CEP126: variants seen among roughly 807,000 people sequenced by gnomAD.
The protein encoded by CEP126 is centrosomal protein 126, also known as centrosomal protein of 126 kDa.
CEP126 carries 74 observed loss-of-function variants against 107.8 expected under a neutral mutation model. The ratio of observed to expected loss-of-function variants is 0.69; its 90% confidence interval spans 0.57 to 0.83. CEP126 has a LOEUF of 0.83. Ranked by LOEUF, CEP126 falls within the 40% of genes least tolerant of loss-of-function variation. The probability of loss-of-function intolerance (pLI) is 0.00; values close to 1 mark genes in which losing one functional copy is unlikely to be tolerated. For synonymous variants in CEP126, 449 were observed against 446.0 expected, an observed-to-expected ratio of 1.01 and a Z score of -0.08; for missense variants, 1,237 against 1,281.9, an observed-to-expected ratio of 0.96 and a Z score of 0.53.
At chr11:101,956,117 G>A (rs1591281567) in intron 4 of CEP126, 1 of 456,444 alleles carries the variant, frequency 2.2e-6, no homozygotes, top group South Asian at 1.5e-5. Context: ...TCCACCCCAC[G>A]CACCCCAGAG....
At chr11:101,949,598 G>A (rs1263370491) in intron 4 of CEP126, among the ~76,000 whole-genome samples, 2 of 152,170 alleles carry the variant, frequency 1.3e-5, no homozygotes, top group African/African-American at 4.8e-5. Flanking sequence ...AGGACTAGGA[G>A]AGGTCAGTAT....
intron 1 of CEP126, among the ~76,000 whole-genome samples, chr11:101,920,563 A>G (rs1017297828): frequency 6.6e-6 from 1 of 152,068 alleles, no homozygotes; most frequent in Non-Finnish European, 1.5e-5. Flanking sequence ...TTCTACATCT[A>G]ATGATGAGGT....
At chr11:101,993,507 A>G (rs368740604) in intron 10 of CEP126, among the ~76,000 whole-genome samples, 71 of 152,320 alleles carry the variant, frequency 4.7e-4, no homozygotes, top group African/African-American at 1.7e-3. Context: ...TAGTGCTTAC[A>G]ATGAACATAC....
At chr11:101,925,800 G>T (rs554603372) in intron 2 of CEP126, among the ~76,000 whole-genome samples, 5 of 142,690 alleles carry the variant, frequency 3.5e-5, no homozygotes, top group Non-Finnish European at 7.6e-5. Flanking sequence ...GATTACAGGC[G>T]CCCGTCACCA....
At chr11:101,989,782 A>T (rs1941356575) in intron 9 of CEP126, among the ~76,000 whole-genome samples, 1 of 151,944 alleles carries the variant, frequency 6.6e-6, no homozygotes, top group Non-Finnish European at 1.5e-5. Context: ...ACTCGGTGAA[A>T]CCCCGTCTCT....
chr11:101,935,314 AT>A, intron 2 of CEP126, among the ~76,000 whole-genome samples: 1 of 151,920 alleles, frequency 6.6e-6, no homozygotes. Context: ...TTACCTTTTC[AT>A]TTATTTAATG....
At chr11:101,967,133 A>G (rs1470864732) in intron 6 of CEP126, among the ~76,000 whole-genome samples, 3 of 150,364 alleles carry the variant, frequency 2.0e-5, no homozygotes, top group East Asian at 2.0e-4. Flanking sequence ...GACTCAAGCA[A>G]TGCTCCCATC....
intron 2 of CEP126, among the ~76,000 whole-genome samples, chr11:101,943,165 C>T (rs1940689056): frequency 6.6e-6 from 1 of 151,388 alleles, no homozygotes; most frequent in East Asian, 1.9e-4. Context: ...AACTTCTTAT[C>T]TTGACCTGGG....
At chr11:101,974,573 G>A (rs980655995) in intron 6 of CEP126, among the ~76,000 whole-genome samples, 1 of 151,928 alleles carries the variant, frequency 6.6e-6, no homozygotes, top group Non-Finnish European at 1.5e-5. Flanking sequence ...GAATGTCTCC[G>A]GTATTTTTTC....
chr11:101,978,732 A>C (rs1941221359), intron 7 of CEP126, among the ~76,000 whole-genome samples: 1 of 152,250 alleles, frequency 6.6e-6, no homozygotes, highest in African/African-American at 2.4e-5. Context: ...ATTGATAGCC[A>C]ATGCTGGAAA....
At position 101,922,720 on chromosome 11, in the gene CEP126, C is replaced by T; in HGVS notation, c.208C>T (p.Arg70Ter). 2.5e-6 allele frequency: 4 copies of T among 1,612,404 alleles called. No homozygotes were observed. Among genetic ancestry groups the T allele is most frequent in the South Asian group, 1.1e-5 (1 of 91,026 alleles). ...GCAGCAACAAAAAATATGTCGAAAT[C>T]GAGCACGTAAATATTTTGTGGAGTC... ...LLQQQKICRN[R>*]ARKYFVESNR... is the part of the protein sequence containing the mutation. Residue 70 changes from arginine to a stop codon, truncating the protein, a stop_gained, in exon 2 of 11, where the codon CGA becomes TGA. Coordinates refer to ENST00000263468, the MANE Select transcript of CEP126 (RefSeq NM_020802.4). LOFTEE classifies it high-confidence loss of function.
In CEP126 at chr11:101,962,106, G is replaced by C; in HGVS notation, c.1071G>C (p.Val357=). The C allele has an allele frequency of 1.2e-6, 2 of 1,612,288 alleles. No individual in the cohort carries two copies. The highest frequency in any genetic ancestry group is 1.7e-6 in the Non-Finnish European group (2 of 1,179,436). The change falls in exon 6 of 11, where the codon GTG becomes GTC. Residue 357 remains valine (V), a synonymous_variant. Transcript: ENST00000263468. ...ATCCATCTCCTTTGAATGGAACAGT[G>C]GAAAGAGCCACAAATACTGCTAATA... is the stretch of plus-strand genomic sequence containing the variant. ...EQNPSPLNGT[V]ERATNTANNS... is the part of the protein sequence containing the mutation.
intron 2 of CEP126, among the ~76,000 whole-genome samples, chr11:101,943,028 T>C (rs1371099219): frequency 5.9e-5 from 9 of 152,074 alleles, no homozygotes; most frequent in Non-Finnish European, 1.3e-4. Flanking sequence ...TTTCTAAATA[T>C]AAGATTATGT....
At chr11:101,927,882 AAACAT>A (rs1255676012) in intron 2 of CEP126, among the ~76,000 whole-genome samples, 1 of 152,208 alleles carries the variant, frequency 6.6e-6, no homozygotes, top group Non-Finnish European at 1.5e-5. Flanking sequence ...GTTTTTGTAT[AAACAT>A]AAGCCTTTAT....
At chr11:101,997,185 G>A (rs563066672) in intron 10 of CEP126, among the ~76,000 whole-genome samples, 3 of 152,168 alleles carry the variant, frequency 2.0e-5, no homozygotes, top group South Asian at 2.1e-4. Context: ...TTACAGGCAC[G>A]TGCCAGCACA....
rs191932693 is a variant in CEP126, at chr11:101,945,524, A to T, written c.394+1114A>T. Reference sequence around the variant, plus strand: ...GTTAGTAATAAATATTACTGTTAATAAGGGCAGCTAGTAAAACTGCGCTAA... The same window carrying T: ...GTTAGTAATAAATATTACTGTTAATTAGGGCAGCTAGTAAAACTGCGCTAA... On this transcript the variant is annotated intron_variant, in intron 3 of 10. Coordinates refer to ENST00000263468, the MANE Select transcript of CEP126 (RefSeq NM_020802.4). 6.6e-5 allele frequency among the ~76,000 whole-genome samples: 10 copies of T among 152,324 alleles called. No homozygotes were observed. The East Asian group carries it at 1.9e-3, about 29-fold the overall frequency.
chr11:101,926,675 A>G (rs992315542), intron 2 of CEP126, among the ~76,000 whole-genome samples: 1 of 152,248 alleles, frequency 6.6e-6, no homozygotes, highest in African/African-American at 2.4e-5. Flanking sequence ...GTAGGAGTCA[A>G]GGATTAATTA....
rs183956834 is a variant in CEP126 at position 101,993,334 on chromosome 11, G to A, written c.3309+492G>A. The stretch of plus-strand genomic sequence containing the variant: ...TATTTGGCTTCCTGTTCCTGTATTA[G>A]TTTACTTAGGATTGTGGCCTCCAGC... On this transcript the variant is annotated intron_variant, in intron 10 of 10. Transcript: ENST00000263468. Among the ~76,000 whole-genome samples the A allele has an allele frequency of 1.5e-3, 225 of 152,268 alleles. 1 individual carries two copies. The highest frequency in any genetic ancestry group is 2.6e-3 in the Non-Finnish European group (176 of 68,016).
At chr11:101,925,598 G>A (rs555868764) in intron 2 of CEP126, among the ~76,000 whole-genome samples, 8 of 148,702 alleles carry the variant, frequency 5.4e-5, no homozygotes, top group South Asian at 2.2e-4. Context: ...GTGAAACCTC[G>A]TCTCTACTAA....
Sources: allele counts gnomAD v4.1 joint callset (sites outside exome capture counted in the v4.1 genomes callset), GRCh38; gene constraint gnomAD v4.1.1; transcripts MANE v1.5; gene names NCBI Gene and HGNC (gene_info 2026-07-23, HGNC 2026-07-21).